The following KBTBD6 variants were observed in gnomAD, a reference collection of about 807,000 sequenced individuals.
KBTBD6 encodes the protein kelch repeat and BTB domain-containing protein 6.
In KBTBD6, 6 loss-of-function variants were observed where a neutral mutation model predicts 34.4. That is an observed-to-expected ratio of 0.17 (90% CI 0.10 to 0.34). The LOEUF (loss-of-function observed/expected upper bound fraction) is 0.34. Ranked by LOEUF, KBTBD6 falls within the 10% of genes least tolerant of loss-of-function variation. The probability of loss-of-function intolerance (pLI) is 1.00; values close to 1 mark genes in which losing one functional copy is unlikely to be tolerated. For missense variants in KBTBD6, 557 were observed against 856.0 expected (o/e 0.65, Z 4.36); for synonymous variants, 288 against 327.2 (o/e 0.88, Z 1.29).
Position 41,127,948 on chromosome 13 carries a change from T to G in KBTBD6, c.*2539A>C, listed in dbSNP as rs556039160. 1.3e-5 allele frequency: 2 copies of G among 152,196 alleles called. No homozygotes were observed. 9.4% of individuals were successfully genotyped at this position (152,196 alleles called of 1,614,324 possible). On this transcript the variant is annotated 3_prime_UTR_variant, in exon 1 of 1. Transcript: ENST00000379485. The stretch of plus-strand genomic sequence containing the variant: ...CATCTCTGATGTCAAATGACCAAAA[T>G]TTAGCCTTAGGGCACTAAAGCACAT...
rs1442724104 is a variant in KBTBD6 at position 41,131,386 on chromosome 13, G to C, written c.1126C>G (p.Leu376Val). 3 of 1,614,178 alleles carry C rather than the reference G, an allele frequency of 1.9e-6. No individual in the cohort carries two copies. In the Admixed American group the frequency reaches 5.0e-5, roughly 27 times the overall value. ...LYKVPSPLTC[L>V]AHTRTVTTLA... The stretch of plus-strand genomic sequence containing the variant: ...GTGGTGACAGTCCTAGTGTGAGCCA[G>C]ACAGGTCAAAGGTGACGGCACTTTG... The change falls in exon 1 of 1, where the codon CTG becomes GTG. Residue 376 changes from leucine (L) to valine (V), a missense_variant. Transcript: ENST00000379485. This position sits in a 1 kb window ranked among gnomAD's most constrained non-coding sequence, Gnocchi z 5.8.
chr13:41,132,232 G>A lies in KBTBD6; in HGVS notation c.280C>T (p.Pro94Ser). Reference sequence around the variant, plus strand: ...CCTGTGAACATGCTCTTGAAGTAGGGACATGCCGCGGCCAGCACATTGCGG... The same window carrying A: ...CCTGTGAACATGCTCTTGAAGTAGGAACATGCCGCGGCCAGCACATTGCGG... ...CNRNVLAAAC[P>S]YFKSMFTGGM... The change falls in exon 1 of 1, where the codon CCC becomes TCC. Residue 94 changes from proline (P) to serine (S), a missense_variant. Pro to Ser is a moderately conservative substitution (Grantham distance 74). This residue lies in a region of KBTBD6 where 108 missense variants were observed against 209.6 expected (regional missense o/e 0.52). Transcript: ENST00000379485. 1.2e-6 allele frequency: 2 copies of A among 1,614,252 alleles called. No homozygotes were observed. Among genetic ancestry groups the A allele is most frequent in the Non-Finnish European group, 1.7e-6 (2 of 1,180,050 alleles).
At position 41,127,800 on chromosome 13, in the gene KBTBD6, T is replaced by C. The variant is rs780536652; in HGVS notation, c.*2687A>G. 3.9e-5 allele frequency: 6 copies of C among 152,222 alleles called. No individual in the cohort carries two copies. The highest frequency in any genetic ancestry group is 8.8e-5 in the Non-Finnish European group (6 of 68,032). 9.4% of individuals were successfully genotyped at this position (152,222 alleles called of 1,614,324 possible). A position where few individuals can be genotyped will look rare whatever the true frequency, so the allele number is the denominator to read the frequency against. On this transcript the variant is annotated 3_prime_UTR_variant, in exon 1 of 1. Coordinates refer to ENST00000379485, the MANE Select transcript of KBTBD6 (RefSeq NM_152903.5). ...CTGCAGATGGGTAATCTGTTTGAGA[T>C]AAGCACTGTCATGTTTCAACCTTAG...
Position 41,130,199 on chromosome 13 carries a change from T to C in KBTBD6, c.*288A>G, listed in dbSNP as rs1051953376. 1.1e-5 allele frequency: 3 copies of C among 261,636 alleles called. No homozygotes were observed. The highest frequency in any genetic ancestry group is 2.1e-5 in the Non-Finnish European group (3 of 139,900). 16.2% of individuals were successfully genotyped at this position (261,636 alleles called of 1,614,324 possible). A position where few individuals can be genotyped will look rare whatever the true frequency, so the allele number is the denominator to read the frequency against. ...TTGTGGCAGTAAACAGAATGTAAAA[T>C]GTATCAAAAGACTAAATTAGTGTCA... On this transcript the variant is annotated 3_prime_UTR_variant, in exon 1 of 1. Transcript: ENST00000379485. The surrounding 1 kb of genome is among the most constrained non-coding windows in gnomAD (Gnocchi z 4.8).
chr13:41,128,375 C>T lies in KBTBD6; in HGVS notation c.*2112G>A. On this transcript the variant is annotated 3_prime_UTR_variant, in exon 1 of 1. Transcript: ENST00000379485. Reference sequence around the variant, plus strand: ...TGTCAACCATTATATATTAAATCTTCAAGAGGTAAGTACTTCTGTTTTAGT... The same window carrying T: ...TGTCAACCATTATATATTAAATCTTTAAGAGGTAAGTACTTCTGTTTTAGT... 3 of 380,668 alleles carry T rather than the reference C, an allele frequency of 7.9e-6. No homozygotes were observed. Among genetic ancestry groups the T allele is most frequent in the Non-Finnish European group, 1.4e-5 (3 of 214,120 alleles). 23.6% of individuals were successfully genotyped at this position (380,668 alleles called of 1,614,324 possible). A position where few individuals can be genotyped will look rare whatever the true frequency, so the allele number is the denominator to read the frequency against.
Position 41,131,709 on chromosome 13 carries a change from A to G in KBTBD6, c.803T>C (p.Met268Thr). The G allele has an allele frequency of 6.2e-7, 1 of 1,614,176 alleles. No individual in the cohort carries two copies. The highest frequency in any genetic ancestry group is 8.5e-7 in the Non-Finnish European group (1 of 1,180,008). ...AAEVFKCVRW[M>T]HFTEEDQDYL... ...GTCCTGATCTTCTTCAGTGAAGTGC[A>G]TCCAGCGCACGCACTTGAAGACTTC... The change falls in exon 1 of 1, where the codon ATG becomes ACG. Residue 268 changes from methionine (M) to threonine (T), a missense_variant. Coordinates refer to ENST00000379485, the MANE Select transcript of KBTBD6 (RefSeq NM_152903.5). The surrounding 1 kb of genome is among the most constrained non-coding windows in gnomAD (Gnocchi z 5.8).
chr13:41,132,710 A>C lies in KBTBD6; in HGVS notation c.-199T>G. 6 of 633,928 alleles carry C rather than the reference A, an allele frequency of 9.5e-6. No homozygotes were observed. Among genetic ancestry groups the C allele is most frequent in the Admixed American group, 3.1e-5 (1 of 32,428 alleles). 39.3% of individuals were successfully genotyped at this position (633,928 alleles called of 1,614,324 possible). A position where few individuals can be genotyped will look rare whatever the true frequency, so the allele number is the denominator to read the frequency against. ...GACAGTGGCTGACTCACCCTCTCTC[A>C]CTCCCGCGTCCTTTCTCCGCGTCTG... is the stretch of plus-strand genomic sequence containing the variant. On this transcript the variant is annotated 5_prime_UTR_variant, in exon 1 of 1. Coordinates refer to ENST00000379485, the MANE Select transcript of KBTBD6 (RefSeq NM_152903.5).
At position 41,131,227 on chromosome 13, in the gene KBTBD6, C is replaced by T; in HGVS notation, c.1285G>A (p.Asp429Asn). 6.2e-7 allele frequency: 1 copy of T among 1,614,214 alleles called. No homozygotes were observed. Among genetic ancestry groups the T allele is most frequent in the Non-Finnish European group, 8.5e-7 (1 of 1,180,050 alleles). The change falls in exon 1 of 1, where the codon GAT becomes AAT. Residue 429 changes from aspartate (D) to asparagine (N), a missense_variant. Physicochemically the swap from Asp to Asn is conservative, Grantham distance 23. Coordinates refer to ENST00000379485, the MANE Select transcript of KBTBD6 (RefSeq NM_152903.5). This position sits in a 1 kb window ranked among gnomAD's most constrained non-coding sequence, Gnocchi z 5.8. ...ADRLLCREGM[D>N]VAYLNGYIYI... is the part of the protein sequence containing the mutation. Reference sequence around the variant, plus strand: ...ATATAGCCATTGAGATATGCCACATCCATGCCCTCACGACACAGCAAGCGA... The same window carrying T: ...ATATAGCCATTGAGATATGCCACATTCATGCCCTCACGACACAGCAAGCGA...
Position 41,130,183 on chromosome 13 carries a change from TAAACAG to T in KBTBD6, c.*298_*303del, listed in dbSNP as rs2030064000. ...GTTATTGCCACAGTGCTTGTGGCAG[TAAACAG>T]AATGTAAAATGTATCAAAAGACTAA... On this transcript the variant is annotated 3_prime_UTR_variant, in exon 1 of 1. Transcript: ENST00000379485. The surrounding 1 kb of genome is among the most constrained non-coding windows in gnomAD (Gnocchi z 4.8). 4.3e-6 allele frequency: 1 copy of T among 233,588 alleles called. No individual in the cohort carries two copies. The allele number at this position is 233,588 out of a possible 1,614,324, so 14.5% of individuals were successfully genotyped here.
chr13:41,132,629 G>C lies in KBTBD6; in HGVS notation c.-118C>G, dbSNP rs1439153712. The C allele has an allele frequency of 3.3e-6, 4 of 1,230,674 alleles. No homozygotes were observed. The highest frequency in any genetic ancestry group is 2.5e-5 in the Admixed American group (1 of 40,622). The allele number at this position is 1,230,674 out of a possible 1,614,324, so 76.2% of individuals were successfully genotyped here. On this transcript the variant is annotated 5_prime_UTR_variant, in exon 1 of 1. Transcript: ENST00000379485. ...AGCGTCTCCGAAGAGACAGCAGCACGAGCCCATTTACTGAATTCAACCCTA... is the reference window on the plus strand; with the variant it reads ...AGCGTCTCCGAAGAGACAGCAGCACCAGCCCATTTACTGAATTCAACCCTA...
chr13:41,131,016 G>C lies in KBTBD6; in HGVS notation c.1496C>G (p.Pro499Arg). ...LNSKRMFCYD[P>R]SHNMWLKCVS... ...GCACTTCAGCCACATATTGTGGCTA[G>C]GATCATAACAGAACATGCGCTTACT... The change falls in exon 1 of 1, where the codon CCT becomes CGT. Residue 499 changes from proline to arginine, a missense_variant. Pro to Arg is a moderately radical substitution (Grantham distance 103). Transcript: ENST00000379485. This position sits in a 1 kb window ranked among gnomAD's most constrained non-coding sequence, Gnocchi z 5.8. 1 of 1,614,090 alleles carries C rather than the reference G, an allele frequency of 6.2e-7. No homozygotes were observed. The highest frequency in any genetic ancestry group is 1.1e-5 in the South Asian group (1 of 91,082).
Position 41,128,914 on chromosome 13 carries a change from G to GC in KBTBD6, c.*1572dup, listed in dbSNP as rs1372510313. On this transcript the variant is annotated 3_prime_UTR_variant, in exon 1 of 1. Coordinates refer to ENST00000379485, the MANE Select transcript of KBTBD6 (RefSeq NM_152903.5). ...GGGCTGAAGCAATCCTCCCACCTCA[G>GC]CCCCGAGTTGCTAGGATTACAGGCA... The GC allele has an allele frequency of 5.9e-6, 1 of 169,514 alleles. No individual in the cohort carries two copies. Among genetic ancestry groups the GC allele is most frequent in the Admixed American group, 6.3e-5 (1 of 15,782 alleles). 10.5% of individuals were successfully genotyped at this position (169,514 alleles called of 1,614,324 possible).
rs2030109805 is a variant in KBTBD6, at chr13:41,132,018, G to T, written c.494C>A (p.Ala165Asp). ...YVREACASFLARRLDLTNCTA... is the reference protein window; with the variant it reads ...YVREACASFLDRRLDLTNCTA... ...GCAGTTGGTCAGGTCAAGACGTCGG[G>T]CTAAGAAGGAGGCACAGGCTTCCCG... Residue 165 changes from alanine (A) to aspartate (D), a missense_variant, in exon 1 of 1, where the codon GCC becomes GAC. Coordinates refer to ENST00000379485, the MANE Select transcript of KBTBD6 (RefSeq NM_152903.5). 1 of 1,614,142 alleles carries T rather than the reference G, an allele frequency of 6.2e-7. No individual in the cohort carries two copies. Among genetic ancestry groups the T allele is most frequent in the Non-Finnish European group, 8.5e-7 (1 of 1,180,058 alleles).
In KBTBD6 at chr13:41,130,821, T is replaced by C. The variant is rs1185213504; in HGVS notation, c.1691A>G (p.His564Arg). 1 of 1,614,104 alleles carries C rather than the reference T, an allele frequency of 6.2e-7. No homozygotes were observed. Among genetic ancestry groups the C allele is most frequent in the African/African-American group, 1.3e-5 (1 of 74,942 alleles). The change falls in exon 1 of 1, where the codon CAT (histidine) becomes CGT (arginine). Residue 564 changes from histidine (H) to arginine (R), a missense_variant. Physicochemically the swap from His to Arg is conservative, Grantham distance 29. Transcript: ENST00000379485. This position sits in a 1 kb window ranked among gnomAD's most constrained non-coding sequence, Gnocchi z 4.8. Reference protein sequence around the residue: ...SETNNYRIIKHGQKLLLITSR... With the variant: ...SETNNYRIIKRGQKLLLITSR... ...GGTGATGAGCAACAATTTTTGGCCA[T>C]GCTTGATAATTCTGTAGTTGTTGGT... is the stretch of plus-strand genomic sequence containing the variant.
chr13:41,132,645 T>C lies in KBTBD6; in HGVS notation c.-134A>G. 9.3e-7 allele frequency: 1 copy of C among 1,070,018 alleles called. No homozygotes were observed. The highest frequency in any genetic ancestry group is 1.3e-6 in the Non-Finnish European group (1 of 743,326). 66.3% of individuals were successfully genotyped at this position (1,070,018 alleles called of 1,614,324 possible). On this transcript the variant is annotated 5_prime_UTR_variant, in exon 1 of 1. Coordinates refer to ENST00000379485, the MANE Select transcript of KBTBD6 (RefSeq NM_152903.5). ...CAGCAGCACGAGCCCATTTACTGAA[T>C]TCAACCCTACCCCGCAGAACCGCCT...
chr13:41,131,594 C>G lies in KBTBD6; in HGVS notation c.918G>C (p.Leu306=). 2 of 1,613,920 alleles carry G rather than the reference C, an allele frequency of 1.2e-6. No individual in the cohort carries two copies. The highest frequency in any genetic ancestry group is 1.7e-6 in the Non-Finnish European group (2 of 1,179,838). The change falls in exon 1 of 1, where the codon CTG becomes CTC. Residue 306 remains leucine (L), a synonymous_variant. Coordinates refer to ENST00000379485, the MANE Select transcript of KBTBD6 (RefSeq NM_152903.5). The surrounding 1 kb of genome is among the most constrained non-coding windows in gnomAD (Gnocchi z 5.8). ...EGALQMRYGD[L]LYKSLVPVPN... is the part of the protein sequence containing the mutation. ...GCACTGGCACCAGAGACTTGTACAA[C>G]AGGTCACCATAGCGCATCTGCAGGG...
chr13:41,130,179 G>A lies in KBTBD6; in HGVS notation c.*308C>T. The A allele has an allele frequency of 8.8e-6, 2 of 227,160 alleles. No homozygotes were observed. Among genetic ancestry groups the A allele is most frequent in the Non-Finnish European group, 1.7e-5 (2 of 117,664 alleles). The allele number at this position is 227,160 out of a possible 1,614,324, so 14.1% of individuals were successfully genotyped here. A position where few individuals can be genotyped will look rare whatever the true frequency, so the allele number is the denominator to read the frequency against. On this transcript the variant is annotated 3_prime_UTR_variant, in exon 1 of 1. Transcript: ENST00000379485. The surrounding 1 kb of genome is among the most constrained non-coding windows in gnomAD (Gnocchi z 4.8). ...AAAAGTTATTGCCACAGTGCTTGTG[G>A]CAGTAAACAGAATGTAAAATGTATC...
chr13:41,132,696 A>T lies in KBTBD6; in HGVS notation c.-185T>A. 1.4e-6 allele frequency: 1 copy of T among 698,110 alleles called. No individual in the cohort carries two copies. The highest frequency in any genetic ancestry group is 2.0e-5 in the South Asian group (1 of 48,846). The allele number at this position is 698,110 out of a possible 1,614,324, so 43.2% of individuals were successfully genotyped here. ...CCCGTTATCGTTTAGACAGTGGCTG[A>T]CTCACCCTCTCTCACTCCCGCGTCC... On this transcript the variant is annotated 5_prime_UTR_variant, in exon 1 of 1. Transcript: ENST00000379485.
In KBTBD6 at chr13:41,132,072, G is replaced by A; in HGVS notation, c.440C>T (p.Ala147Val). The A allele has an allele frequency of 1.9e-6, 3 of 1,614,208 alleles. No homozygotes were observed. The highest frequency in any genetic ancestry group is 2.5e-6 in the Non-Finnish European group (3 of 1,180,048). ...ATATTCCAGCTGTAGCATGTCGGAGGCCGCGTACAGGCGCTCCACGTTGGC... is the reference window on the plus strand; with the variant it reads ...ATATTCCAGCTGTAGCATGTCGGAGACCGCGTACAGGCGCTCCACGTTGGC... ...SEANVERLYA[A>V]SDMLQLEYVR... The change falls in exon 1 of 1, where the codon GCC becomes GTC. Residue 147 changes from alanine to valine, a missense_variant. Physicochemically the swap from Ala to Val is moderately conservative, Grantham distance 64. Coordinates refer to ENST00000379485, the MANE Select transcript of KBTBD6 (RefSeq NM_152903.5).
Sources: allele counts gnomAD v4.1 joint callset, GRCh38; gene constraint gnomAD v4.1.1; regional missense constraint gnomAD v4.1.1; non-coding constraint Gnocchi (gnomAD v3.1); transcripts MANE v1.5; gene names NCBI Gene and HGNC (gene_info 2026-07-23, HGNC 2026-07-21).